Variants in APP observed in about 807,000 individuals in gnomAD.
APP encodes the protein amyloid-beta precursor protein.
APP carries 31 observed loss-of-function variants against 101.4 expected under a neutral mutation model. The ratio of observed to expected loss-of-function variants is 0.31; its 90% confidence interval spans 0.23 to 0.41. APP has a LOEUF of 0.41. Ranked by LOEUF, APP falls within the 10% of genes least tolerant of loss-of-function variation. APP has a pLI of 1.00. For missense variants in APP, 839 were observed against 1,003.7 expected, an observed-to-expected ratio of 0.84 and a Z score of 2.22; for synonymous variants, 366 against 364.4, an observed-to-expected ratio of 1.00 and a Z score of -0.05.
chr21:26,005,675 A>T (rs1187872026), intron 6 of APP, among the ~76,000 whole-genome samples: 1 of 152,250 alleles, frequency 6.6e-6, no homozygotes, highest in Non-Finnish European at 1.5e-5. Context: ...ATGGAAGATA[A>T]AAATATCTCA....
intron 13 of APP, chr21:25,933,913 A>C (rs1246376449): frequency 6.6e-6 from 1 of 152,232 alleles, no homozygotes; most frequent in East Asian, 1.9e-4. Context: ...AGGAAAATAA[A>C]AACATAACCG....
chr21:25,957,224 T>C (rs2041359555), intron 11 of APP, among the ~76,000 whole-genome samples: 4 of 152,228 alleles, frequency 2.6e-5, no homozygotes, highest in Admixed American at 2.0e-4. Flanking sequence ...AACTCTCATC[T>C]GAACTGTGAA....
At chr21:25,996,818 C>G (rs2043074304) in intron 8 of APP, among the ~76,000 whole-genome samples, 1 of 152,222 alleles carries the variant, frequency 6.6e-6, no homozygotes, top group Non-Finnish European at 1.5e-5. Flanking sequence ...TGTATAGCAG[C>G]ACCTCCTCAC....
intron 14 of APP, 142 bp downstream of exon 14, chr21:25,911,599 T>C (rs1003024935): frequency 5.7e-6 from 4 of 700,140 alleles, no homozygotes; most frequent in African/African-American, 1.8e-5. Flanking sequence ...TAAAGTAAAA[T>C]TATAATGAAA....
intron 11 of APP, among the ~76,000 whole-genome samples, chr21:25,957,003 G>A (rs965457859): frequency 2.6e-5 from 4 of 152,190 alleles, no homozygotes; most frequent in Non-Finnish European, 4.4e-5. Context: ...CAATAACACA[G>A]TGCTTGACCC....
intron 1 of APP, among the ~76,000 whole-genome samples, chr21:26,146,678 T>C (rs1044875865): frequency 2.0e-5 from 3 of 152,234 alleles, no homozygotes; most frequent in African/African-American, 7.2e-5. Context: ...GAGCTGATCA[T>C]TGCTGAGCAT....
chr21:26,109,409 C>T (rs1402425013), intron 2 of APP, among the ~76,000 whole-genome samples: 1 of 152,092 alleles, frequency 6.6e-6, no homozygotes, highest in Non-Finnish European at 1.5e-5. Flanking sequence ...GCACCTCTCC[C>T]TTCACACTCT....
intron 5 of APP, among the ~76,000 whole-genome samples, chr21:26,033,867 GAGAAT>G (rs1248066264): frequency 6.6e-6 from 1 of 152,146 alleles, no homozygotes; most frequent in East Asian, 1.9e-4. Context: ...CTTTGAGTTG[GAGAAT>G]AGTTACTAAT....
intron 15 of APP, among the ~76,000 whole-genome samples, chr21:25,903,184 T>C (rs1020494007): frequency 1.3e-4 from 19 of 151,732 alleles, no homozygotes; most frequent in African/African-American, 4.1e-4. Flanking sequence ...CTGGCCAACA[T>C]GGTGAAATCC....
intron 17 of APP, among the ~76,000 whole-genome samples, chr21:25,887,197 C>T (rs2037382476): frequency 6.6e-6 from 1 of 152,034 alleles, no homozygotes; most frequent in Non-Finnish European, 1.5e-5. Flanking sequence ...TTTTAAATAT[C>T]CAGTGTCTAT....
chr21:25,955,422 C>T (rs2041270984), intron 12 of APP, among the ~76,000 whole-genome samples: 2 of 152,146 alleles, frequency 1.3e-5, no homozygotes, highest in Admixed American at 6.5e-5. Context: ...AAGATTTTTA[C>T]ATTTGTTATT....
chr21:25,893,617 A>G (rs988985793), intron 16 of APP, among the ~76,000 whole-genome samples: 1 of 152,216 alleles, frequency 6.6e-6, no homozygotes, highest in African/African-American at 2.4e-5. Context: ...AACAAGGCCC[A>G]CAACTGTCTT....
intron 1 of APP, among the ~76,000 whole-genome samples, chr21:26,131,639 TAAG>T (rs1463840931): frequency 6.6e-6 from 1 of 152,196 alleles, no homozygotes; most frequent in Non-Finnish European, 1.5e-5. Context: ...TGTCCAGTCA[TAAG>T]AAGCTCCTCT....
chr21:26,122,047 C>T (rs2062585242), intron 1 of APP, among the ~76,000 whole-genome samples: 1 of 152,216 alleles, frequency 6.6e-6, no homozygotes, highest in Non-Finnish European at 1.5e-5. Flanking sequence ...GATAAATCTG[C>T]ATCTTAGAGT....
chr21:25,932,117 C>A (rs1480272936), intron 13 of APP, among the ~76,000 whole-genome samples: 2 of 152,078 alleles, frequency 1.3e-5, no homozygotes, highest in African/African-American at 4.8e-5. Flanking sequence ...TTGTTAAGAA[C>A]TAGAGAGTGA....
intron 3 of APP, among the ~76,000 whole-genome samples, chr21:26,067,735 A>G (rs2046512331): frequency 6.6e-6 from 1 of 152,216 alleles, no homozygotes; most frequent in Non-Finnish European, 1.5e-5. Context: ...ACAGAAATTA[A>G]TTTAAGGTTT....
chr21:26,167,483 ATAGTT>A (rs1245059982), intron 1 of APP, among the ~76,000 whole-genome samples: 3 of 152,208 alleles, frequency 2.0e-5, no homozygotes, highest in Admixed American at 6.5e-5. Context: ...CTTCTCACTG[ATAGTT>A]TAGTGGCCAC....
At position 25,897,618 on chromosome 21, in the gene APP, T is replaced by G; in HGVS notation, c.2019A>C (p.Ala673=). 1.2e-6 allele frequency: 2 copies of G among 1,614,110 alleles called. No homozygotes were observed. Among genetic ancestry groups the G allele is most frequent in the Non-Finnish European group, 1.7e-6 (2 of 1,179,962 alleles). Reference sequence around the variant, plus strand: ...CATATCCTGAGTCATGTCGGAATTCTGCATCCATCTTCACTTCAGAGATCT... The same window carrying G: ...CATATCCTGAGTCATGTCGGAATTCGGCATCCATCTTCACTTCAGAGATCT... The part of the protein sequence containing the change: ...TEEISEVKMD[A]EFRHDSGYEV... Residue 673 remains alanine (A), a synonymous_variant, in exon 16 of 18, where the codon GCA becomes GCC. Transcript: ENST00000346798.
intron 13 of APP, among the ~76,000 whole-genome samples, chr21:25,924,404 G>A (rs1601417263): frequency 4.3e-5 from 2 of 46,014 alleles, no homozygotes; most frequent in African/African-American, 6.5e-5. Context: ...ATTTGAATTT[G>A]CAAATACAAA....
Sources: gnomAD v4.1 joint callset for allele counts (sites outside exome capture counted in the v4.1 genomes callset) on GRCh38, gnomAD v4.1.1 for gene constraint, MANE v1.5 for transcripts, NCBI Gene and HGNC (gene_info 2026-07-23, HGNC 2026-07-21) for gene names.